The following DNAH8 variants were observed in gnomAD, a reference collection of about 807,000 sequenced individuals.
DNAH8 encodes the protein axonemal beta dynein heavy chain 8.
Under a neutral mutation model 562.1 loss-of-function variants are expected in DNAH8, and 382 were observed. The ratio of observed to expected loss-of-function variants is 0.68; its 90% confidence interval spans 0.63 to 0.74. The LOEUF (loss-of-function observed/expected upper bound fraction) is 0.74, where lower values mean the gene tolerates loss of function less well. DNAH8 is among the 30% of genes least tolerant of loss of function. The pLI is 0.00. For synonymous variants in DNAH8, 1,881 were observed against 1,919.4 expected (o/e 0.98, Z 0.52); for missense variants, 5,203 against 5,620.4 (o/e 0.93, Z 2.37).
Position 38,938,998 on chromosome 6 carries a change from G to A in DNAH8, c.12007+10G>A. The A allele has an allele frequency of 6.2e-7, 1 of 1,609,436 alleles. No individual in the cohort carries two copies. The highest frequency in any genetic ancestry group is 1.7e-4 in the Middle Eastern group (1 of 6,034). On this transcript the variant is annotated intron_variant, in intron 79 of 92. Coordinates refer to ENST00000327475, the MANE Select transcript of DNAH8 (RefSeq NM_001206927.2). ...CAAGCTCTCATTAAAGGTAAAGTGT[G>A]TGGGATACAGATGTGGTGTGTGGAG...
chr6:38,975,450 A>G (rs1763607442), intron 85 of DNAH8, among the ~76,000 whole-genome samples: 1 of 152,206 alleles, frequency 6.6e-6, no homozygotes, highest in South Asian at 2.1e-4. Flanking sequence ...AGTGATGGGC[A>G]GAACTTCACA....
At position 38,758,006 on chromosome 6, in the gene DNAH8, C is replaced by T. The variant is rs142006011; in HGVS notation, c.1515+1927C>T. On this transcript the variant is annotated intron_variant, in intron 10 of 92. Coordinates refer to ENST00000327475, the MANE Select transcript of DNAH8 (RefSeq NM_001206927.2). The stretch of plus-strand genomic sequence containing the variant: ...TTAGGATTGACTTGGCAATTTTTTG[C>T]CAGGGCTCTTTTTTGGTGCCATATG... 3.7e-3 allele frequency among the ~76,000 whole-genome samples: 554 copies of T among 151,776 alleles called. 3 individuals carry two copies. The highest frequency in any genetic ancestry group is 0.013 in the African/African-American group (526 of 41,462).
At chr6:39,019,769 C>CA (rs1766783871) in intron 91 of DNAH8, among the ~76,000 whole-genome samples, 1 of 152,090 alleles carries the variant, frequency 6.6e-6, no homozygotes, top group Non-Finnish European at 1.5e-5. Context: ...ACTGGAGAGA[C>CA]CCAGGTGTTG....
chr6:38,997,357 C>T (rs377738597), intron 88 of DNAH8, among the ~76,000 whole-genome samples: 26 of 152,264 alleles, frequency 1.7e-4, no homozygotes, highest in African/African-American at 5.3e-4. Context: ...CAGCTGAAAC[C>T]CACCTCTGGT....
rs1338748999 is a variant in DNAH8, at chr6:39,026,543, A to T, written c.13715-3A>T. 6.3e-7 allele frequency: 1 copy of T among 1,599,298 alleles called. No individual in the cohort carries two copies. Among genetic ancestry groups the T allele is most frequent in the South Asian group, 1.1e-5 (1 of 89,742 alleles). ...TTCAACATCTCTTCTTTTTTTCTTT[A>T]AGGCTTCCTCACAGCAATGAGGCAA... On this transcript the variant is annotated splice_region_variant and splice_polypyrimidine_tract_variant and intron_variant, in intron 91 of 92. Coordinates refer to ENST00000327475, the MANE Select transcript of DNAH8 (RefSeq NM_001206927.2).
intron 88 of DNAH8, among the ~76,000 whole-genome samples, chr6:38,994,716 C>T (rs897899684): frequency 1.7e-4 from 25 of 147,542 alleles, no homozygotes; most frequent in African/African-American, 5.8e-4. Context: ...GGCATGATCT[C>T]GGCTCACTGC....
chr6:38,732,821 C>T (rs1763758901), intron 4 of DNAH8, among the ~76,000 whole-genome samples: 3 of 152,130 alleles, frequency 2.0e-5, no homozygotes, highest in Admixed American at 2.0e-4. Flanking sequence ...CTCCCAACCC[C>T]CGTGAAAAAG....
At chr6:38,953,938 G>A (rs561572246) in intron 82 of DNAH8, among the ~76,000 whole-genome samples, 120 of 151,864 alleles carry the variant, frequency 7.9e-4, no homozygotes, top group African/African-American at 2.8e-3. Flanking sequence ...CTTATCTCAG[G>A]AACCCCACTT....
rs565551517 is a variant in DNAH8 at position 38,787,342 on chromosome 6, G to T, written c.2583+390G>T. On this transcript the variant is annotated intron_variant, in intron 18 of 92. Transcript: ENST00000327475. Reference sequence around the variant, plus strand: ...ACAAGTAGAGGTGATTCTCAACATTGTGGGGCAAAAAGGAGCATTATTTCA... The same window carrying T: ...ACAAGTAGAGGTGATTCTCAACATTTTGGGGCAAAAAGGAGCATTATTTCA... Among the ~76,000 whole-genome samples, 687 of 152,118 alleles carry T rather than the reference G, an allele frequency of 4.5e-3. 6 individuals carry two copies. Among genetic ancestry groups the T allele is most frequent in the African/African-American group, 0.016 (663 of 41,506 alleles).
Position 39,030,189 on chromosome 6 carries a change from G to A in DNAH8, c.13921G>A (p.Val4641Ile). ...NGKLMESTPK[V>I]LFTQLPVLHI... ...GAAGCTCATGGAATCCACCCCCAAG[G>A]TACTCTTCACGCAGTTACCCGTGCT... Residue 4641 changes from valine (V) to isoleucine (I), a missense_variant, in exon 93 of 93, where the codon GTA (valine) becomes ATA (isoleucine). Val to Ile is a conservative substitution (Grantham distance 29). This residue lies in a region of DNAH8 where 1,399 missense variants were observed against 1,518.4 expected (regional missense o/e 0.92). Transcript: ENST00000327475. The A allele has an allele frequency of 6.2e-7, 1 of 1,614,048 alleles. No individual in the cohort carries two copies. The highest frequency in any genetic ancestry group is 1.7e-5 in the Admixed American group (1 of 60,006).
rs1350229053 is a variant in DNAH8, at chr6:38,803,295, A to G, written c.3018A>G (p.Lys1006=). The change falls in exon 22 of 93, where the codon AAA becomes AAG. Residue 1006 remains lysine (K), a synonymous_variant. Transcript: ENST00000327475. ...EQIYEVKYTG[K]VGKQSEQRKH... ...TTTATGAAGTGAAATACACTGGGAA[A>G]GTAGGAAAACAGTCAGGTAACTTTT... is the stretch of plus-strand genomic sequence containing the variant. 1.2e-6 allele frequency: 2 copies of G among 1,601,654 alleles called. No homozygotes were observed. The highest frequency in any genetic ancestry group is 1.1e-5 in the South Asian group (1 of 87,622).
Position 38,935,609 on chromosome 6 carries a change from G to T in DNAH8, c.11475G>T (p.Arg3825Ser), listed in dbSNP as rs1782885795. Residue 3825 changes from arginine to serine, a missense_variant, in exon 77 of 93, where the codon AGG becomes AGT. Arg to Ser is a moderately radical substitution (Grantham distance 110). This residue lies in a region of DNAH8 where 1,399 missense variants were observed against 1,518.4 expected (regional missense o/e 0.92). Transcript: ENST00000327475. ...LTEKQELEAE[R>S]VKLLEDVTFN... ...AATGACAGGAGTTAGAGGCTGAGAG[G>T]GTTAAACTTTTGGAGGATGTTACTT... 2.5e-6 allele frequency: 4 copies of T among 1,612,168 alleles called. No individual in the cohort carries two copies. The highest frequency in any genetic ancestry group is 3.4e-6 in the Non-Finnish European group (4 of 1,179,342).
Position 38,870,408 on chromosome 6 carries a change from A to G in DNAH8, c.6836A>G (p.Glu2279Gly). 1 of 1,612,482 alleles carries G rather than the reference A, an allele frequency of 6.2e-7. No homozygotes were observed. The highest frequency in any genetic ancestry group is 1.3e-5 in the African/African-American group (1 of 74,998). Residue 2279 changes from glutamate to glycine, a missense_variant, in exon 49 of 93, where the codon GAA (glutamate) becomes GGA (glycine). Glu to Gly is a moderately conservative substitution (Grantham distance 98, BLOSUM62 -2). Coordinates refer to ENST00000327475, the MANE Select transcript of DNAH8 (RefSeq NM_001206927.2). ...TAAACTATGCCACCTTAGGTTGATGAAGATGAACCCCTGTTCCTCAGCTTA... is the reference window on the plus strand; with the variant it reads ...TAAACTATGCCACCTTAGGTTGATGGAGATGAACCCCTGTTCCTCAGCTTA... ...RDMNLSKLVD[E>G]DEPLFLSLIN...
chr6:38,738,502 G>A (rs1764278162), intron 7 of DNAH8, among the ~76,000 whole-genome samples: 1 of 151,952 alleles, frequency 6.6e-6, no homozygotes, highest in Non-Finnish European at 1.5e-5. Context: ...ATTATGAGAG[G>A]CTCCAACTTA....
chr6:38,776,279 G>A (rs1768066619), intron 13 of DNAH8, among the ~76,000 whole-genome samples: 1 of 150,998 alleles, frequency 6.6e-6, no homozygotes, highest in Non-Finnish European at 1.5e-5. Flanking sequence ...GTGCAGTGGA[G>A]CGATCTTGGT....
intron 82 of DNAH8, among the ~76,000 whole-genome samples, chr6:38,953,576 C>T (rs186404049): frequency 6.6e-6 from 1 of 152,212 alleles, no homozygotes; most frequent in African/African-American, 2.4e-5. Flanking sequence ...ACTGGAACAA[C>T]ATAGATTTGG....
chr6:39,030,255 A>T lies in DNAH8; in HGVS notation c.13987A>T (p.Lys4663Ter). The T allele has an allele frequency of 6.2e-7, 1 of 1,614,102 alleles. No homozygotes were observed. Among genetic ancestry groups the T allele is most frequent in the Non-Finnish European group, 8.5e-7 (1 of 1,180,008 alleles). Residue 4663 changes from lysine (K) to a stop codon, truncating the protein, a stop_gained, in exon 93 of 93, where the codon AAG (lysine) becomes TAG (stop). Transcript: ENST00000327475. LOFTEE classifies it high-confidence loss of function. ...TAACTCCACGGCACCCAAGGACCCCAAGCTGTATGTGTGTCCTATTTACAA... is the reference window on the plus strand; with the variant it reads ...TAACTCCACGGCACCCAAGGACCCCTAGCTGTATGTGTGTCCTATTTACAA... ...AINSTAPKDP[K>*]LYVCPIYKKP...
chr6:39,008,910 T>C lies in DNAH8; in HGVS notation c.13311T>C (p.Ile4437=). ...GGGVGETREA[I]VYRLSEDMLS... Reference sequence around the variant, plus strand: ...GTGTGGGAGAGACCCGGGAGGCTATTGTTTATAGATTATCTGAAGATATGC... The same window carrying C: ...GTGTGGGAGAGACCCGGGAGGCTATCGTTTATAGATTATCTGAAGATATGC... Residue 4437 remains isoleucine, a synonymous_variant, in exon 89 of 93, where the codon ATT becomes ATC. Transcript: ENST00000327475. The C allele has an allele frequency of 6.2e-6, 10 of 1,610,108 alleles. No individual in the cohort carries two copies. The highest frequency in any genetic ancestry group is 8.5e-6 in the Non-Finnish European group (10 of 1,176,448).
rs763871040 is a variant in DNAH8 at position 38,886,917 on chromosome 6, C to T, written c.8386C>T (p.Arg2796Ter). The T allele has an allele frequency of 1.4e-5, 22 of 1,613,646 alleles. No homozygotes were observed. Among genetic ancestry groups the T allele is most frequent in the South Asian group, 1.2e-4 (11 of 91,030 alleles). ...AGCAATGATCCACCCTGGAGGTGGT[C>T]GAAATGATATTCCACAACGTTTAAA... The part of the protein sequence containing the change: ...IAAMIHPGGG[R>*]NDIPQRLKRQ... Residue 2796 changes from arginine to a stop codon, truncating the protein, a stop_gained, in exon 57 of 93, where the codon CGA becomes TGA. Coordinates refer to ENST00000327475, the MANE Select transcript of DNAH8 (RefSeq NM_001206927.2). LOFTEE classifies it high-confidence loss of function.
Sources: allele counts gnomAD v4.1 joint callset (sites outside exome capture counted in the v4.1 genomes callset), GRCh38; gene constraint gnomAD v4.1.1; regional missense constraint gnomAD v4.1.1; transcripts MANE v1.5; gene names NCBI Gene and HGNC (gene_info 2026-07-23, HGNC 2026-07-21).